The following DAB1 variants were observed in gnomAD, a reference collection of about 807,000 sequenced individuals.
DAB1 encodes DAB adaptor protein 1, also known as disabled homolog 1.
Under a neutral mutation model 64.6 loss-of-function variants are expected in DAB1, and 15 were observed. That is an observed-to-expected ratio of 0.23 (90% confidence interval 0.16 to 0.36). The LOEUF is 0.36. Ranked by LOEUF, DAB1 falls within the 10% of genes least tolerant of loss-of-function variation. DAB1 has a pLI of 1.00. For synonymous variants in DAB1, 235 were observed against 251.9 expected (o/e 0.93, Z 0.64); for missense variants, 596 against 706.7 (o/e 0.84, Z 1.78).
intron 7 of DAB1, among the ~76,000 whole-genome samples, chr1:57,448,235 A>G (rs1686222667): frequency 6.6e-6 from 1 of 152,220 alleles, no homozygotes; most frequent in Non-Finnish European, 1.5e-5. Context: ...CAGGCAGTCT[A>G]AATAGGTGCA....
chr1:57,717,961 G>A (rs3131721), intron 6 of DAB1, among the ~76,000 whole-genome samples: 6,473 of 152,160 alleles, frequency 0.043, 475 homozygotes, highest in African/African-American at 0.15. Context: ...TGGGGAGGGT[G>A]TAGTGGAGAC....
intron 3 of DAB1, chr1:58,462,899 A>T (rs1645257691): frequency 6.6e-6 from 1 of 152,218 alleles, no homozygotes; most frequent in South Asian, 2.1e-4. Context: ...ACATAGTAGG[A>T]ATTCAGGGAC....
intron 1 of DAB1, among the ~76,000 whole-genome samples, chr1:57,393,973 T>C (rs1053669321): frequency 4.6e-5 from 7 of 152,352 alleles, no homozygotes; most frequent in Middle Eastern, 3.4e-3. Context: ...TGTGTATCTA[T>C]AATCTAGAAC....
intron 4 of DAB1, among the ~76,000 whole-genome samples, chr1:57,110,376 T>C (rs1452813476): frequency 6.6e-6 from 1 of 152,232 alleles, no homozygotes; most frequent in East Asian, 1.9e-4. Context: ...CGGACACTGT[T>C]TTCAGATCTG....
chr1:58,235,179 C>G (rs1659961159), intron 4 of DAB1, among the ~76,000 whole-genome samples: 1 of 152,184 alleles, frequency 6.6e-6, no homozygotes, highest in Non-Finnish European at 1.5e-5. Flanking sequence ...ACTCTGAGCT[C>G]TGAGCCAAAT....
At chr1:57,472,054 T>C (rs1687154865) in intron 7 of DAB1, among the ~76,000 whole-genome samples, 1 of 152,164 alleles carries the variant, frequency 6.6e-6, no homozygotes, top group African/African-American at 2.4e-5. Flanking sequence ...TCAGGAAAAA[T>C]ATTGTCTCTT....
chr1:58,461,665 T>G (rs1032317427), intron 3 of DAB1, among the ~76,000 whole-genome samples: 3 of 152,070 alleles, frequency 2.0e-5, no homozygotes, highest in Admixed American at 6.6e-5. Flanking sequence ...AGCCAGCAAG[T>G]GTGGAGATGA....
At chr1:58,259,984 C>A (rs1001513260) in intron 4 of DAB1, among the ~76,000 whole-genome samples, 1 of 152,154 alleles carries the variant, frequency 6.6e-6, no homozygotes, top group Admixed American at 6.5e-5. Context: ...TATTACTAAA[C>A]CTATTTATGG....
intron 1 of DAB1, among the ~76,000 whole-genome samples, chr1:57,422,362 G>A (rs1684982501): frequency 6.6e-6 from 1 of 152,192 alleles, no homozygotes; most frequent in Non-Finnish European, 1.5e-5. Flanking sequence ...CAGCTCGCAG[G>A]AGGGCTCGCC....
intron 1 of DAB1, among the ~76,000 whole-genome samples, chr1:57,327,092 T>C (rs12081029): frequency 0.098 from 14,890 of 152,036 alleles, 1,769 homozygotes; most frequent in African/African-American, 0.29. Context: ...GCGTGTGACC[T>C]CACACTTGGC....
intron 5 of DAB1, among the ~76,000 whole-genome samples, chr1:57,922,104 T>G (rs2102024000): frequency 6.6e-6 from 1 of 152,368 alleles, no homozygotes; most frequent in Admixed American, 6.5e-5. Flanking sequence ...TTCCCTCATC[T>G]TGCCTCATTC....
chr1:58,520,416 A>G (rs573615485), intron 2 of DAB1, among the ~76,000 whole-genome samples: 1 of 152,354 alleles, frequency 6.6e-6, no homozygotes, highest in Non-Finnish European at 1.5e-5. Context: ...AAAATATCTG[A>G]GAAGATAATT....
chr1:58,516,287 G>A (rs1219112859), intron 2 of DAB1, among the ~76,000 whole-genome samples: 3 of 152,222 alleles, frequency 2.0e-5, no homozygotes, highest in South Asian at 2.1e-4. Flanking sequence ...AAACTGTTAC[G>A]AAAAAATTAA....
chr1:58,247,580 T>C (rs989996381), intron 4 of DAB1, among the ~76,000 whole-genome samples: 1 of 152,214 alleles, frequency 6.6e-6, no homozygotes, highest in African/African-American at 2.4e-5. Flanking sequence ...AATAATTGTC[T>C]TATCATGTCA....
At chr1:58,375,938 C>A (rs1644320103) in intron 3 of DAB1, among the ~76,000 whole-genome samples, 2 of 144,458 alleles carry the variant, frequency 1.4e-5, no homozygotes, top group Non-Finnish European at 3.1e-5. Flanking sequence ...GGAATGTATC[C>A]ATTTCTTCTA....
chr1:57,350,591 A>G (rs1678508218), intron 1 of DAB1, among the ~76,000 whole-genome samples: 1 of 152,106 alleles, frequency 6.6e-6, no homozygotes, highest in African/African-American at 2.4e-5. Context: ...AGCAATAATT[A>G]CAAGTTCCTG....
chr1:57,636,534 T>A (rs1475342398), intron 7 of DAB1, among the ~76,000 whole-genome samples: 2 of 152,180 alleles, frequency 1.3e-5, no homozygotes, highest in African/African-American at 4.8e-5. Context: ...ATAATCCAGA[T>A]GAACAGCGAT....
At chr1:57,098,814 T>G (rs906021959) in intron 4 of DAB1, among the ~76,000 whole-genome samples, 1 of 152,208 alleles carries the variant, frequency 6.6e-6, no homozygotes, top group Non-Finnish European at 1.5e-5. Flanking sequence ...TAATCTTGAT[T>G]GCCCTGGGGA....
At chr1:57,225,112 T>C (rs1397533885) in intron 2 of DAB1, among the ~76,000 whole-genome samples, 1 of 152,178 alleles carries the variant, frequency 6.6e-6, no homozygotes, top group African/African-American at 2.4e-5. Context: ...TGTTCATTTG[T>C]ATCCTTTGTG....
Sources: gnomAD v4.1 joint callset for allele counts (sites outside exome capture counted in the v4.1 genomes callset) on GRCh38, gnomAD v4.1.1 for gene constraint, MANE v1.5 for transcripts, NCBI Gene and HGNC (gene_info 2026-07-23, HGNC 2026-07-21) for gene names.